CREB5: variants seen among roughly 807,000 people sequenced by gnomAD.
CREB5 encodes the protein cyclic AMP-responsive element-binding protein 5.
CREB5 carries 19 observed loss-of-function variants against 57.1 expected under a neutral mutation model. The observed-to-expected ratio is 0.33, with a 90% CI of 0.23 to 0.49. The LOEUF is 0.49. Ranked by LOEUF, CREB5 falls within the 20% of genes least tolerant of loss-of-function variation. CREB5 has a pLI of 0.99. For synonymous variants in CREB5, 238 were observed against 238.3 expected, an observed-to-expected ratio of 1.00 and a Z score of 0.01; for missense variants, 579 against 671.6, an observed-to-expected ratio of 0.86 and a Z score of 1.52.
At chr7:28,791,464 C>G (rs767105832) in intron 7 of CREB5, among the ~76,000 whole-genome samples, 5 of 152,190 alleles carry the variant, frequency 3.3e-5, no homozygotes, top group Non-Finnish European at 7.3e-5. Flanking sequence ...GTCACACCCA[C>G]AAAGAAAAGC....
chr7:28,535,325 GGGAGGGAAGGAAAGAA>G lies in CREB5; in HGVS notation c.291+27600_291+27615del, dbSNP rs1479840886. Among the ~76,000 whole-genome samples the G allele has an allele frequency of 8.0e-5, 11 of 137,706 alleles. 2 individuals are homozygous for G. Among genetic ancestry groups the G allele is most frequent in the Admixed American group, 3.6e-4 (5 of 13,760 alleles). 90.3% of individuals were successfully genotyped at this position (137,706 alleles called of 152,430 possible). ...TAGGAAAAGTGAAAGGAGGGAGGGAGGGAGGGAAGGAAAGAAGGAGGGAAGGATGGAAGGGAGGAAA... is the reference window on the plus strand; with the variant it reads ...TAGGAAAAGTGAAAGGAGGGAGGGAGGGAGGGAAGGATGGAAGGGAGGAAA... On this transcript the variant is annotated intron_variant, in intron 4 of 10. Coordinates refer to ENST00000357727, the MANE Select transcript of CREB5 (RefSeq NM_182898.4).
At chr7:28,757,609 C>T (rs187317636) in intron 7 of CREB5, among the ~76,000 whole-genome samples, 193 of 151,224 alleles carry the variant, frequency 1.3e-3, no homozygotes, top group African/African-American at 4.5e-3. Flanking sequence ...GGAGCCAGAG[C>T]TTGCAGTGAG....
intron 7 of CREB5, among the ~76,000 whole-genome samples, chr7:28,789,869 T>G (rs1257960168): frequency 6.6e-6 from 1 of 152,160 alleles, no homozygotes; most frequent in East Asian, 1.9e-4. Context: ...TTTTAAAACC[T>G]GGGGTGAGAG....
intron 7 of CREB5, among the ~76,000 whole-genome samples, chr7:28,789,789 A>G (rs545554537): frequency 6.6e-6 from 1 of 152,358 alleles, no homozygotes; most frequent in South Asian, 2.1e-4. Context: ...ACACATTCCT[A>G]GAGTCCCAGA....
chr7:28,799,475 T>C (rs774989043), intron 7 of CREB5, among the ~76,000 whole-genome samples: 4 of 152,374 alleles, frequency 2.6e-5, no homozygotes, highest in Middle Eastern at 3.4e-3. Context: ...ATTATTGTCT[T>C]GGCCTTAACA....
chr7:28,334,550 A>C (rs115620948), intron 1 of CREB5, among the ~76,000 whole-genome samples: 1 of 152,270 alleles, frequency 6.6e-6, no homozygotes, highest in African/African-American at 2.4e-5. Flanking sequence ...TGGATAATCA[A>C]ATTTTTCCTG....
intron 1 of CREB5, among the ~76,000 whole-genome samples, chr7:28,460,199 G>A (rs1790292129): frequency 6.6e-6 from 1 of 152,108 alleles, no homozygotes; most frequent in East Asian, 1.9e-4. Context: ...TCATATTAAT[G>A]TCATTATGTT....
chr7:28,461,902 T>C (rs1192707848), intron 1 of CREB5, among the ~76,000 whole-genome samples: 3 of 152,160 alleles, frequency 2.0e-5, no homozygotes, highest in Non-Finnish European at 4.4e-5. Context: ...ATGTCAGCTT[T>C]ATTGAGATAT....
intron 1 of CREB5, among the ~76,000 whole-genome samples, chr7:28,371,845 G>T (rs1026898683): frequency 6.6e-6 from 1 of 151,930 alleles, no homozygotes; most frequent in African/African-American, 2.4e-5. Flanking sequence ...CTGAGCGCTT[G>T]TGACTGGCCT....
chr7:28,353,678 C>T (rs1158292529), intron 1 of CREB5, among the ~76,000 whole-genome samples: 1 of 151,772 alleles, frequency 6.6e-6, no homozygotes, highest in Non-Finnish European at 1.5e-5. Flanking sequence ...CCCGTCTCTA[C>T]TAAAAATACA....
chr7:28,503,432 CATAAG>C (rs1378061145), intron 3 of CREB5, among the ~76,000 whole-genome samples: 5 of 152,198 alleles, frequency 3.3e-5, no homozygotes, highest in African/African-American at 7.2e-5. Context: ...AGAAAAATCA[CATAAG>C]ATAACAGAAA....
At chr7:28,663,446 G>T (rs1258601329) in intron 5 of CREB5, among the ~76,000 whole-genome samples, 10 of 152,058 alleles carry the variant, frequency 6.6e-5, no homozygotes, top group Non-Finnish European at 1.5e-4. Context: ...CTCAAGAGAT[G>T]CACCCTGCCT....
At chr7:28,715,724 A>C (rs1379058520) in intron 5 of CREB5, among the ~76,000 whole-genome samples, 1 of 152,184 alleles carries the variant, frequency 6.6e-6, no homozygotes, top group Non-Finnish European at 1.5e-5. Context: ...CTGGTTTGGT[A>C]GGTGGGGGTT....
chr7:28,634,798 C>G (rs1245813562), intron 5 of CREB5, among the ~76,000 whole-genome samples: 1 of 152,134 alleles, frequency 6.6e-6, no homozygotes, highest in Non-Finnish European at 1.5e-5. Context: ...TAGTCTGTAT[C>G]TCTGATGGCT....
intron 4 of CREB5, among the ~76,000 whole-genome samples, chr7:28,553,595 C>T (rs1242721752): frequency 6.6e-6 from 1 of 152,172 alleles, no homozygotes; most frequent in Non-Finnish European, 1.5e-5. Context: ...TCCTGTTTTC[C>T]TGTCCCTGCA....
At chr7:28,497,209 G>A (rs1792093411) in intron 3 of CREB5, among the ~76,000 whole-genome samples, 2 of 152,214 alleles carry the variant, frequency 1.3e-5, no homozygotes, top group Non-Finnish European at 2.9e-5. Flanking sequence ...TGCCAGGATG[G>A]TCCTCTAAGG....
At chr7:28,771,322 A>G (rs1256675716) in intron 7 of CREB5, among the ~76,000 whole-genome samples, 2 of 152,114 alleles carry the variant, frequency 1.3e-5, no homozygotes, top group Non-Finnish European at 2.9e-5. Context: ...CTTTTCAATG[A>G]AAAAAATTCA....
chr7:28,642,975 C>CACACACAT (rs1562544689), intron 5 of CREB5, among the ~76,000 whole-genome samples: 21 of 89,488 alleles, frequency 2.3e-4, no homozygotes, highest in African/African-American at 7.0e-4. Flanking sequence ...CACACACACA[C>CACACACAT]ACACACACAC....
At chr7:28,679,160 CT>C (rs1003794037) in intron 5 of CREB5, among the ~76,000 whole-genome samples, 4 of 149,892 alleles carry the variant, frequency 2.7e-5, no homozygotes, top group Non-Finnish European at 5.9e-5. Flanking sequence ...TTCTGAGGGC[CT>C]TTATGTGGAA....
Sources: gnomAD v4.1 joint callset for allele counts (sites outside exome capture counted in the v4.1 genomes callset) on GRCh38, gnomAD v4.1.1 for gene constraint, MANE v1.5 for transcripts, NCBI Gene and HGNC (gene_info 2026-07-23, HGNC 2026-07-21) for gene names.